NAV2: variants seen among roughly 807,000 people sequenced by gnomAD.
NAV2 encodes the protein helicase, APC down-regulated 1.
Under a neutral mutation model 223.2 loss-of-function variants are expected in NAV2, and 54 were observed. The ratio of observed to expected loss-of-function variants is 0.24; its 90% CI spans 0.19 to 0.30. NAV2 has a LOEUF of 0.30. Among genes scored for constraint, NAV2 ranks in the 10% least tolerant of loss-of-function variants. NAV2 has a pLI of 1.00. For synonymous variants in NAV2, 1,279 were observed against 1,239.3 expected (o/e 1.03, Z -0.67); for missense variants, 2,806 against 3,147.5 (o/e 0.89, Z 2.60).
intron 26 of NAV2, among the ~76,000 whole-genome samples, chr11:20,086,235 C>A (rs549799475): frequency 6.6e-6 from 1 of 152,302 alleles, no homozygotes; most frequent in East Asian, 1.9e-4. Flanking sequence ...AGTCTCTGTT[C>A]TGTGTATAAG....
chr11:19,857,848 T>C, intron 3 of NAV2, among the ~76,000 whole-genome samples: 1 of 152,170 alleles, frequency 6.6e-6, no homozygotes, highest in East Asian at 1.9e-4. Context: ...CTCTAGAACT[T>C]GCTCATTTTT....
intron 11 of NAV2, among the ~76,000 whole-genome samples, chr11:20,002,214 C>T (rs1433989244): frequency 3.3e-5 from 5 of 152,154 alleles, no homozygotes; most frequent in South Asian, 2.1e-4. Flanking sequence ...TAAACACTAT[C>T]GCATTGGGGG....
At chr11:19,625,694 A>G (rs940799038) in intron 1 of NAV2, among the ~76,000 whole-genome samples, 3 of 152,128 alleles carry the variant, frequency 2.0e-5, no homozygotes, top group Non-Finnish European at 4.4e-5. Flanking sequence ...TTTTCTCTGT[A>G]TCTTTGCCAA....
chr11:19,437,596 A>C (rs1225060545), intron 1 of NAV2, among the ~76,000 whole-genome samples: 1 of 152,130 alleles, frequency 6.6e-6, no homozygotes, highest in Non-Finnish European at 1.5e-5. Flanking sequence ...AGGCAGTTAA[A>C]GCTCACAAAT....
intron 1 of NAV2, among the ~76,000 whole-genome samples, chr11:19,393,724 C>A (rs1482813718): frequency 1.3e-5 from 2 of 152,090 alleles, no homozygotes; most frequent in Non-Finnish European, 2.9e-5. Flanking sequence ...ATTGGACATA[C>A]CTCTAGGCTT....
chr11:19,554,341 C>A (rs1453715757), intron 1 of NAV2, among the ~76,000 whole-genome samples: 1 of 152,294 alleles, frequency 6.6e-6, no homozygotes, highest in East Asian at 1.9e-4. Context: ...CTGTCTGATG[C>A]CAATGCCCAC....
chr11:19,401,730 C>A (rs1849694171), intron 1 of NAV2: 1 of 152,186 alleles, frequency 6.6e-6, no homozygotes, highest in Non-Finnish European at 1.5e-5. Context: ...ATATTCCATA[C>A]AAAAGCACAC....
At chr11:19,873,473 C>A (rs2062653695) in intron 4 of NAV2, among the ~76,000 whole-genome samples, 1 of 152,016 alleles carries the variant, frequency 6.6e-6, no homozygotes, top group South Asian at 2.1e-4. Context: ...TGGGGGGAAA[C>A]CTTGCAGACA....
intron 1 of NAV2, among the ~76,000 whole-genome samples, chr11:19,755,303 G>A (rs185080214): frequency 6.6e-6 from 1 of 152,304 alleles, no homozygotes; most frequent in East Asian, 1.9e-4. Flanking sequence ...AAATGGTGGA[G>A]GTGAAATCTG....
intron 11 of NAV2, among the ~76,000 whole-genome samples, chr11:20,014,121 T>C (rs2053812046): frequency 6.6e-6 from 1 of 152,178 alleles, no homozygotes; most frequent in African/African-American, 2.4e-5. Flanking sequence ...GCAGTCTGCC[T>C]AGGGGCTGCC....
intron 1 of NAV2, among the ~76,000 whole-genome samples, chr11:19,575,015 A>G (rs1359804041): frequency 6.6e-6 from 1 of 152,166 alleles, no homozygotes; most frequent in Non-Finnish European, 1.5e-5. Flanking sequence ...CCTAATGGGA[A>G]GTGCCCAGTA....
At chr11:20,069,055 C>T (rs780810015) in intron 22 of NAV2, among the ~76,000 whole-genome samples, 1 of 151,574 alleles carries the variant, frequency 6.6e-6, no homozygotes, top group Non-Finnish European at 1.5e-5. Context: ...AGGGGGAGCA[C>T]CTAGCTCACT....
chr11:19,784,408 A>G (rs1395744341), intron 1 of NAV2, among the ~76,000 whole-genome samples: 1 of 149,646 alleles, frequency 6.7e-6, no homozygotes, highest in Non-Finnish European at 1.5e-5. Context: ...AAAAAAAAAA[A>G]AAAAAAAAGA....
At chr11:19,457,718 G>A (rs1358470501) in intron 1 of NAV2, among the ~76,000 whole-genome samples, 1 of 152,140 alleles carries the variant, frequency 6.6e-6, no homozygotes, top group African/African-American at 2.4e-5. Context: ...CCAGCCTGGG[G>A]TGTCACCAGC....
chr11:19,859,137 C>CTTTTTTTTTTTTTTTTTTTTTT (rs569446282), intron 3 of NAV2, among the ~76,000 whole-genome samples: 87 of 107,088 alleles, frequency 8.1e-4, no homozygotes, highest in East Asian at 1.6e-3. Context: ...ATCATATTCT[C>CTTTTTTTTTTTTTTTTTTTTTT]TTTTTTTTTT....
At chr11:19,857,231 C>T (rs754850814) in intron 3 of NAV2, among the ~76,000 whole-genome samples, 3 of 152,134 alleles carry the variant, frequency 2.0e-5, no homozygotes, top group East Asian at 1.9e-4. Context: ...ATTCTGCTAC[C>T]TCTTGAAGAT....
intron 1 of NAV2, among the ~76,000 whole-genome samples, chr11:19,806,340 T>C (rs2058559992): frequency 6.6e-6 from 1 of 152,266 alleles, no homozygotes; most frequent in Non-Finnish European, 1.5e-5. Flanking sequence ...GGCCTTGACA[T>C]TGCAGTTCTG....
chr11:19,350,826 T>G, exon 1 of NAV2: 1 of 859,508 alleles, frequency 1.2e-6, no homozygotes, highest in Non-Finnish European at 1.9e-6. Flanking sequence ...GAAGAGGTGG[T>G]GCTGATTTCC....
chr11:19,388,208 T>G (rs955564582), intron 1 of NAV2, among the ~76,000 whole-genome samples: 5 of 152,264 alleles, frequency 3.3e-5, no homozygotes, highest in African/African-American at 9.6e-5. Context: ...TTTAGAATAC[T>G]TTGTGAAACC....
Sources: gnomAD v4.1 joint callset for allele counts (sites outside exome capture counted in the v4.1 genomes callset) on GRCh38, gnomAD v4.1.1 for gene constraint, MANE v1.5 for transcripts, NCBI Gene and HGNC (gene_info 2026-07-23, HGNC 2026-07-21) for gene names.